The following ANO5 variants were observed in gnomAD, a reference collection of about 807,000 sequenced individuals.
ANO5 encodes the protein anoctamin 5.
Under a neutral mutation model 121.0 loss-of-function variants are expected in ANO5, and 109 were observed. The ratio of observed to expected loss-of-function variants is 0.90; its 90% CI spans 0.77 to 1.06. The LOEUF is 1.06. Ranked by LOEUF, ANO5 falls within the 50% of genes least tolerant of loss-of-function variation. The pLI is 0.00. For synonymous variants in ANO5, 406 were observed against 359.9 expected, an observed-to-expected ratio of 1.13 and a Z score of -1.45; for missense variants, 1,064 against 1,078.5, an observed-to-expected ratio of 0.99 and a Z score of 0.19.
rs1854131377 is a variant in ANO5, at chr11:22,259,740, G to T, written c.1629G>T (p.Met543Ile). 2 of 1,606,974 alleles carry T rather than the reference G, an allele frequency of 1.2e-6. No individual in the cohort carries two copies. Among genetic ancestry groups the T allele is most frequent in the African/African-American group, 1.3e-5 (1 of 74,838 alleles). The change falls in exon 15 of 22, where the codon ATG becomes ATT. Residue 543 changes from methionine to isoleucine, a missense_variant and splice_region_variant. Coordinates refer to ENST00000324559, the MANE Select transcript of ANO5 (RefSeq NM_213599.3). ...AGATATCTGCCTGGATCACAAAAAT[G>T]GGTAAGCTGGCCAAATCATTTGTGT... ...YEKISAWITK[M>I]EIPRTYQEYE...
rs138150122 is a variant in ANO5, at chr11:22,207,690, A to G, written c.88-3574A>G. Among the ~76,000 whole-genome samples, 79 of 152,222 alleles carry G rather than the reference A, an allele frequency of 5.2e-4. 1 individual carries two copies. The East Asian group carries it at 9.5e-3, about 18-fold the overall frequency. ...AGCATTGATAAATTGGAGTTTATCA[A>G]ATGTAAGAATTATTGTTCCCTGAAA... On this transcript the variant is annotated intron_variant, in intron 2 of 21. Transcript: ENST00000324559.
chr11:22,222,694 T>G (rs1442555260), intron 5 of ANO5, among the ~76,000 whole-genome samples: 1 of 143,944 alleles, frequency 6.9e-6, no homozygotes, highest in Non-Finnish European at 1.5e-5. Context: ...CCAGTTGTAC[T>G]TGACAAAATA....
chr11:22,227,066 GTC>G (rs769626151), intron 6 of ANO5, among the ~76,000 whole-genome samples: 1 of 152,014 alleles, frequency 6.6e-6, no homozygotes, highest in African/African-American at 2.4e-5. Context: ...GTCTTTGTAT[GTC>G]TCTCTTTCTG....
At position 22,282,317 on chromosome 11, in the gene ANO5, C is replaced by T. The variant is rs1855111939; in HGVS notation, c.*2552C>T. The T allele has an allele frequency of 6.6e-6, 1 of 152,186 alleles. No homozygotes were observed. Among genetic ancestry groups the T allele is most frequent in the Non-Finnish European group, 1.5e-5 (1 of 68,010 alleles). 9.4% of individuals were successfully genotyped at this position (152,186 alleles called of 1,614,324 possible). A position where few individuals can be genotyped will look rare whatever the true frequency, so the allele number is the denominator to read the frequency against. On this transcript the variant is annotated 3_prime_UTR_variant, in exon 22 of 22. Coordinates refer to ENST00000324559, the MANE Select transcript of ANO5 (RefSeq NM_213599.3). ...CCTTGCCTTCGTCAACTTTCCTTTG[C>T]ACACAGGAAGCAAAATCTACTTCAA... is the stretch of plus-strand genomic sequence containing the variant.
intron 7 of ANO5, among the ~76,000 whole-genome samples, chr11:22,233,729 G>A (rs1338031085): frequency 6.6e-6 from 1 of 152,032 alleles, no homozygotes; most frequent in African/African-American, 2.4e-5. Context: ...TGTGAAGAAG[G>A]GCTCTCTGCT....
At chr11:22,267,807 C>T (rs1854427805) in intron 17 of ANO5, among the ~76,000 whole-genome samples, 1 of 152,086 alleles carries the variant, frequency 6.6e-6, no homozygotes, top group South Asian at 2.1e-4. Context: ...CTGCTGTTCC[C>T]CTCTATGTGT....
rs1246421086 is a variant in ANO5, at chr11:22,272,995, T to G, written c.2235+6T>G. The G allele has an allele frequency of 6.2e-7, 1 of 1,613,194 alleles. No homozygotes were observed. The highest frequency in any genetic ancestry group is 1.1e-5 in the South Asian group (1 of 91,060). ...TCCTTTCTGTTGCAACTAATGTAAG[T>G]GGACCTATTTCGGTGGGGTGACTTT... is the stretch of plus-strand genomic sequence containing the variant. On this transcript the variant is annotated splice_donor_region_variant and intron_variant, in intron 19 of 21. Coordinates refer to ENST00000324559, the MANE Select transcript of ANO5 (RefSeq NM_213599.3).
intron 17 of ANO5, among the ~76,000 whole-genome samples, chr11:22,266,614 T>C (rs1213959932): frequency 1.3e-5 from 2 of 152,222 alleles, no homozygotes; most frequent in Non-Finnish European, 2.9e-5. Flanking sequence ...GTCAATCTTT[T>C]TTCAATTTAT....
chr11:22,192,933 G>A (rs948717974), upstream of ANO5: 67 of 965,570 alleles, frequency 6.9e-5, no homozygotes, highest in Non-Finnish European at 8.1e-5. Flanking sequence ...GGAGAGGAGG[G>A]GGCCAGCGTG....
chr11:22,213,718 T>A (rs1852353653), intron 3 of ANO5, among the ~76,000 whole-genome samples: 1 of 151,988 alleles, frequency 6.6e-6, no homozygotes, highest in Non-Finnish European at 1.5e-5. Flanking sequence ...TCCCTCCTTA[T>A]AGGTGAATCC....
chr11:22,200,254 G>A (rs1361777933), intron 1 of ANO5, among the ~76,000 whole-genome samples: 1 of 152,138 alleles, frequency 6.6e-6, no homozygotes, highest in African/African-American at 2.4e-5. Flanking sequence ...TTTCCATGAA[G>A]TGATAGATTC....
chr11:22,193,586 C>G, intron 1 of ANO5, 54 bp downstream of exon 1: 10 of 1,589,514 alleles, frequency 6.3e-6, no homozygotes, highest in Non-Finnish European at 8.6e-6. Context: ...GCCTGCACCC[C>G]TCCACCCGCG....
intron 18 of ANO5, among the ~76,000 whole-genome samples, chr11:22,271,863 T>TA (rs1564950351): frequency 6.6e-6 from 1 of 152,192 alleles, no homozygotes; most frequent in African/African-American, 2.4e-5. Context: ...ATACTTCCTC[T>TA]TCATTTTCTA....
Position 22,205,114 on chromosome 11 carries a change from C to T in ANO5, c.87+1264C>T, listed in dbSNP as rs1281856448. Among the ~76,000 whole-genome samples the T allele has an allele frequency of 3.9e-5, 6 of 152,054 alleles. No individual in the cohort carries two copies. In the East Asian group the frequency reaches 1.2e-3, roughly 29 times the overall value. On this transcript the variant is annotated intron_variant, in intron 2 of 21. Transcript: ENST00000324559. The stretch of plus-strand genomic sequence containing the variant: ...TACAAGAACAGAAAACCAAATACCC[C>T]ATGTTCTCACTTATAAGTTGGAGAT...
At chr11:22,231,875 G>T (rs1480960737) in intron 7 of ANO5, among the ~76,000 whole-genome samples, 3 of 151,990 alleles carry the variant, frequency 2.0e-5, no homozygotes, top group African/African-American at 7.2e-5. Context: ...GAAATTATCA[G>T]TCTTTCGTGT....
At chr11:22,230,926 G>A (rs557044336) in intron 7 of ANO5, among the ~76,000 whole-genome samples, 46 of 151,910 alleles carry the variant, frequency 3.0e-4, no homozygotes, top group African/African-American at 1.1e-3. Context: ...AATTATAGTC[G>A]TCATTCATGA....
chr11:22,208,760 C>T (rs1288656975), intron 2 of ANO5, among the ~76,000 whole-genome samples: 4 of 151,844 alleles, frequency 2.6e-5, no homozygotes, highest in Non-Finnish European at 5.9e-5. Flanking sequence ...TACATGGGAT[C>T]TGTGTGTATT....
chr11:22,231,793 T>C (rs1024987615), intron 7 of ANO5, among the ~76,000 whole-genome samples: 1 of 152,034 alleles, frequency 6.6e-6, no homozygotes, highest in Non-Finnish European at 1.5e-5. Context: ...CAAAAAGATG[T>C]AGTAATTTGG....
rs565533298 is a variant in ANO5, at chr11:22,268,294, G to A, written c.1899-2018G>A. 3.9e-4 allele frequency among the ~76,000 whole-genome samples: 59 copies of A among 150,448 alleles called. No homozygotes were observed. In the South Asian group the frequency reaches 8.8e-3, roughly 23 times the overall value. On this transcript the variant is annotated intron_variant, in intron 17 of 21. Coordinates refer to ENST00000324559, the MANE Select transcript of ANO5 (RefSeq NM_213599.3). ...GTTGACTTTTTTTTTTAATAATACC[G>A]AGCCTTCTTACTCGTCAACATTTAA... is the stretch of plus-strand genomic sequence containing the variant.
Sources: allele counts gnomAD v4.1 joint callset (sites outside exome capture counted in the v4.1 genomes callset), GRCh38; gene constraint gnomAD v4.1.1; transcripts MANE v1.5; gene names NCBI Gene and HGNC (gene_info 2026-07-23, HGNC 2026-07-21).